SLC4A4: variants seen among roughly 807,000 people sequenced by gnomAD.
SLC4A4 encodes the protein solute carrier family 4 member 4.
SLC4A4 carries 27 observed loss-of-function variants against 111.5 expected under a neutral mutation model. That is an observed-to-expected ratio of 0.24 (90% CI 0.18 to 0.33). The LOEUF (loss-of-function observed/expected upper bound fraction) is 0.33, where lower values mean the gene tolerates loss of function less well. Ranked by LOEUF, SLC4A4 falls within the 10% of genes least tolerant of loss-of-function variation. The probability of loss-of-function intolerance (pLI) is 1.00; values close to 1 mark genes in which losing one functional copy is unlikely to be tolerated. For missense variants in SLC4A4, 909 were observed against 1,315.5 expected (o/e 0.69, Z 4.78); for synonymous variants, 443 against 463.4 (o/e 0.96, Z 0.57).
chr4:71,145,428 C>T (rs186734441), intron 2 of SLC4A4, among the ~76,000 whole-genome samples: 2,332 of 152,156 alleles, frequency 0.015, 51 homozygotes, highest in African/African-American at 0.048. Flanking sequence ...TGTGTCTCTG[C>T]CAGGCTTTGG....
At chr4:71,100,960 G>A (rs1042549469) in intron 2 of SLC4A4, among the ~76,000 whole-genome samples, 1 of 152,146 alleles carries the variant, frequency 6.6e-6, no homozygotes, top group Admixed American at 6.6e-5. Flanking sequence ...CAGTCAAACG[G>A]AAAAACATGC....
chr4:71,072,973 C>T (rs369668902), intron 1 of SLC4A4, among the ~76,000 whole-genome samples: 5 of 151,696 alleles, frequency 3.3e-5, no homozygotes, highest in South Asian at 2.1e-4. Context: ...TTGGTAGAGA[C>T]GGGGTTTCGC....
At position 71,385,191 on chromosome 4, in the gene SLC4A4, AT is replaced by A. The variant is rs1157788396; in HGVS notation, c.731-12362del. Among the ~76,000 whole-genome samples the A allele has an allele frequency of 5.9e-4, 7 of 11,900 alleles. No individual in the cohort carries two copies. In the Admixed American group the frequency reaches 9.0e-3, roughly 15 times the overall value. 7.8% of individuals were successfully genotyped at this position (11,900 alleles called of 152,430 possible). A position where few individuals can be genotyped will look rare whatever the true frequency, so the allele number is the denominator to read the frequency against. On this transcript the variant is annotated intron_variant, in intron 6 of 25. Coordinates refer to ENST00000264485, the MANE Select transcript of SLC4A4 (RefSeq NM_001098484.3). ...TAGATTTATATATATATATATATAT[AT>A]TTTTTTTTTTTTTTTTTTTTTTTGA...
At chr4:71,123,949 T>C (rs572925812) in intron 2 of SLC4A4, among the ~76,000 whole-genome samples, 1 of 152,344 alleles carries the variant, frequency 6.6e-6, no homozygotes, top group South Asian at 2.1e-4. Flanking sequence ...TGGCAGTCAC[T>C]GAACTCTTAA....
intron 1 of SLC4A4, among the ~76,000 whole-genome samples, chr4:71,087,155 T>C (rs1742202871): frequency 6.6e-6 from 1 of 152,098 alleles, no homozygotes; most frequent in South Asian, 2.1e-4. Flanking sequence ...TATCGAGGAA[T>C]GTATCCATTT....
chr4:71,363,464 TTTGTCTCAGGCTGGG>T (rs1730980807), intron 6 of SLC4A4, among the ~76,000 whole-genome samples: 1 of 152,130 alleles, frequency 6.6e-6, no homozygotes, highest in African/African-American at 2.4e-5. Flanking sequence ...AGCTTGCCCA[TTTGTCTCAGGCTGGG>T]TTGTTCTGCT....
At chr4:71,251,013 C>A (rs1380800032) in intron 2 of SLC4A4, among the ~76,000 whole-genome samples, 1 of 152,144 alleles carries the variant, frequency 6.6e-6, no homozygotes, top group Non-Finnish European at 1.5e-5. Context: ...TAAGTATTCA[C>A]TAAATAGTTG....
chr4:71,334,387 T>A (rs1281420159), intron 3 of SLC4A4, among the ~76,000 whole-genome samples: 4 of 152,020 alleles, frequency 2.6e-5, no homozygotes, highest in Admixed American at 2.6e-4. Flanking sequence ...GGTATCCAAG[T>A]TGGAAGACAA....
intron 7 of SLC4A4, among the ~76,000 whole-genome samples, chr4:71,423,243 T>C (rs1438019300): frequency 2.0e-5 from 3 of 152,132 alleles, no homozygotes; most frequent in Non-Finnish European, 4.4e-5. Flanking sequence ...TAACAATTGC[T>C]TCAAAGAGAA....
chr4:71,137,876 A>C (rs1287737849), intron 2 of SLC4A4, among the ~76,000 whole-genome samples: 1 of 152,236 alleles, frequency 6.6e-6, no homozygotes, highest in Admixed American at 6.5e-5. Flanking sequence ...TCAGTCACAA[A>C]GAAATTTCAC....
chr4:71,204,063 G>A (rs752468204), intron 1 of SLC4A4, among the ~76,000 whole-genome samples: 1 of 152,120 alleles, frequency 6.6e-6, no homozygotes, highest in South Asian at 2.1e-4. Flanking sequence ...TCACTCAAAG[G>A]TTTATCAAAA....
At chr4:71,088,755 A>AGC (rs1479449346) in intron 1 of SLC4A4, among the ~76,000 whole-genome samples, 7 of 152,026 alleles carry the variant, frequency 4.6e-5, no homozygotes, top group Admixed American at 2.6e-4. Flanking sequence ...TGGCTTGTGA[A>AGC]GTTTCTGCCG....
At chr4:71,508,568 G>A (rs369764477) in intron 16 of SLC4A4, among the ~76,000 whole-genome samples, 19 of 152,218 alleles carry the variant, frequency 1.2e-4, no homozygotes, top group African/African-American at 4.3e-4. Flanking sequence ...GGAGAAAGTT[G>A]AATCCCTGAA....
At chr4:71,498,195 T>C (rs928169195) in intron 16 of SLC4A4, among the ~76,000 whole-genome samples, 3 of 152,126 alleles carry the variant, frequency 2.0e-5, no homozygotes, top group Non-Finnish European at 4.4e-5. Flanking sequence ...CAAACTTTCC[T>C]TCCCGTAATG....
chr4:71,525,056 C>T (rs548043101), intron 16 of SLC4A4, among the ~76,000 whole-genome samples: 5 of 152,286 alleles, frequency 3.3e-5, no homozygotes, highest in Admixed American at 2.0e-4. Flanking sequence ...TGTAAATTAA[C>T]TGGCTTCTCA....
upstream of SLC4A4, among the ~76,000 whole-genome samples, chr4:71,183,339 C>G (rs1372172652): frequency 1.3e-5 from 2 of 152,166 alleles, no homozygotes; most frequent in Non-Finnish European, 2.9e-5. Context: ...CACGTTTAAC[C>G]AAATAAAATT....
intron 6 of SLC4A4, among the ~76,000 whole-genome samples, chr4:71,396,582 A>G (rs1362289847): frequency 1.3e-5 from 2 of 152,196 alleles, no homozygotes; most frequent in East Asian, 1.9e-4. Context: ...GGATGAATGC[A>G]TTACTCAGCA....
intron 16 of SLC4A4, among the ~76,000 whole-genome samples, chr4:71,511,406 CT>C (rs930873349): frequency 3.7e-4 from 56 of 151,602 alleles, no homozygotes; most frequent in Non-Finnish European, 5.9e-4. Context: ...CCCTTATGCT[CT>C]TTTTTTTGTT....
intron 2 of SLC4A4, among the ~76,000 whole-genome samples, chr4:71,097,738 T>C (rs1211288924): frequency 6.6e-6 from 1 of 152,184 alleles, no homozygotes; most frequent in Non-Finnish European, 1.5e-5. Context: ...TAAGGTGGTA[T>C]TTCATTGTGG....
Sources: gnomAD v4.1 joint callset for allele counts (sites outside exome capture counted in the v4.1 genomes callset) on GRCh38, gnomAD v4.1.1 for gene constraint, MANE v1.5 for transcripts, NCBI Gene and HGNC (gene_info 2026-07-23, HGNC 2026-07-21) for gene names.